Variants in DRC8 observed in about 807,000 individuals in gnomAD.
DRC8 encodes the protein dynein regulatory complex protein 8.
chr1:245,076,723 A>G, the DRC8 span, among the ~76,000 whole-genome samples: 1 of 121,174 alleles, frequency 8.3e-6, no homozygotes, highest in East Asian at 2.0e-4. Context: ...TCTGTGAAAT[A>G]CATTTTTTTT....
the DRC8 span, among the ~76,000 whole-genome samples, chr1:245,077,134 T>C: frequency 2.0e-5 from 3 of 152,096 alleles, no homozygotes; most frequent in Admixed American, 1.3e-4. Flanking sequence ...ACTTAGAATA[T>C]ATGTTAGTTA....
chr1:244,993,033 T>C, the DRC8 span, among the ~76,000 whole-genome samples: 1 of 152,212 alleles, frequency 6.6e-6, no homozygotes, highest in South Asian at 2.1e-4. Flanking sequence ...GCCACTTGAC[T>C]GTACATGCAA....
At chr1:245,102,000 C>T in the DRC8 span, among the ~76,000 whole-genome samples, 220 of 152,196 alleles carry the variant, frequency 1.4e-3, 1 homozygote, top group African/African-American at 4.9e-3. Context: ...TGGGTTTTTG[C>T]TAATGATGTG....
At chr1:245,060,257 C>T in the DRC8 span, among the ~76,000 whole-genome samples, 1 of 152,190 alleles carries the variant, frequency 6.6e-6, no homozygotes, top group African/African-American at 2.4e-5. Flanking sequence ...TGGTGAGTCA[C>T]TTAACCCCTG....
At chr1:245,042,730 A>AT in the DRC8 span, among the ~76,000 whole-genome samples, 92 of 151,206 alleles carry the variant, frequency 6.1e-4, no homozygotes, top group African/African-American at 2.1e-3. Context: ...TGTTTTGCCT[A>AT]TTTTTTTTTG....
the DRC8 span, among the ~76,000 whole-genome samples, chr1:244,981,380 G>A: frequency 1.3e-5 from 2 of 152,174 alleles, no homozygotes; most frequent in Non-Finnish European, 2.9e-5. Flanking sequence ...CATGAAGGAA[G>A]CACTTAAAAA....
the DRC8 span, among the ~76,000 whole-genome samples, chr1:245,072,246 A>G: frequency 2.0e-5 from 3 of 152,214 alleles, no homozygotes; most frequent in Admixed American, 6.5e-5. Flanking sequence ...CAGCACTAAA[A>G]TGAGTTATCA....
the DRC8 span, among the ~76,000 whole-genome samples, chr1:244,987,119 T>G: frequency 6.6e-6 from 1 of 152,168 alleles, no homozygotes; most frequent in African/African-American, 2.4e-5. Context: ...GTATTTATAG[T>G]AGATGGTAGC....
chr1:244,985,013 C>T, the DRC8 span, among the ~76,000 whole-genome samples: 1 of 151,260 alleles, frequency 6.6e-6, no homozygotes, highest in African/African-American at 2.4e-5. Flanking sequence ...TTAATGTCTT[C>T]CCATTACCCT....
At chr1:245,052,082 T>C in the DRC8 span, among the ~76,000 whole-genome samples, 1 of 151,850 alleles carries the variant, frequency 6.6e-6, no homozygotes, top group African/African-American at 2.4e-5. Context: ...TTTTCTGAGA[T>C]GAAGGGAGGG....
chr1:245,108,891 G>A, the DRC8 span, among the ~76,000 whole-genome samples: 1 of 152,072 alleles, frequency 6.6e-6, no homozygotes, highest in South Asian at 2.1e-4. Flanking sequence ...TCTGCTTTTA[G>A]AAGTATTTTT....
chr1:245,083,360 A>G, the DRC8 span: 5 of 1,317,254 alleles, frequency 3.8e-6, no homozygotes, highest in Non-Finnish European at 5.4e-6. Flanking sequence ...CCTGGTGCCA[A>G]AAGGGTTGGA....
the DRC8 span, among the ~76,000 whole-genome samples, chr1:245,003,016 G>A: frequency 1.3e-5 from 2 of 152,168 alleles, no homozygotes; most frequent in Admixed American, 1.3e-4. Context: ...AGCACTCTAG[G>A]TACTTCAGAT....
the DRC8 span, among the ~76,000 whole-genome samples, chr1:245,102,803 C>T: frequency 6.6e-6 from 1 of 152,254 alleles, no homozygotes; most frequent in Non-Finnish European, 1.5e-5. Context: ...TTCACACATC[C>T]AATCAGATGT....
chr1:245,049,868 G>A, the DRC8 span, among the ~76,000 whole-genome samples: 1,281 of 152,272 alleles, frequency 8.4e-3, 20 homozygotes, highest in African/African-American at 0.03. This position sits in a 1 kb window ranked among gnomAD's most constrained non-coding sequence, Gnocchi z 4.5. Flanking sequence ...ATTTGCTACC[G>A]GTGTGATCTT....
At chr1:244,979,536 C>T in the DRC8 span, among the ~76,000 whole-genome samples, 1 of 151,758 alleles carries the variant, frequency 6.6e-6, no homozygotes, top group Non-Finnish European at 1.5e-5. Flanking sequence ...GAACTCCTGA[C>T]CTCAAATGAT....
At chr1:244,974,929 T>A in the DRC8 span, among the ~76,000 whole-genome samples, 5 of 151,980 alleles carry the variant, frequency 3.3e-5, no homozygotes, top group African/African-American at 1.2e-4. Flanking sequence ...CTTTATTTTT[T>A]TTATTTTTAT....
chr1:244,991,686 TG>T, the DRC8 span, among the ~76,000 whole-genome samples: 1 of 152,224 alleles, frequency 6.6e-6, no homozygotes, highest in Non-Finnish European at 1.5e-5. Context: ...GTCAGCATTT[TG>T]CTATTACCAC....
chr1:245,063,988 G>T, the DRC8 span, among the ~76,000 whole-genome samples: 6 of 152,258 alleles, frequency 3.9e-5, no homozygotes, highest in East Asian at 1.2e-3. Flanking sequence ...CTCCCAAAGT[G>T]CTGGGATTAC....
Sources: allele counts gnomAD v4.1 joint callset (sites outside exome capture counted in the v4.1 genomes callset), GRCh38; gene constraint gnomAD v4.1.1; non-coding constraint Gnocchi (gnomAD v3.1); transcripts MANE v1.5; gene names NCBI Gene and HGNC (gene_info 2026-07-23, HGNC 2026-07-21).